PLPPR3: variants seen among roughly 807,000 people sequenced by gnomAD.
PLPPR3 encodes phospholipid phosphatase related 3.
Under a neutral mutation model 27.3 loss-of-function variants are expected in PLPPR3, and 14 were observed. The ratio of observed to expected loss-of-function variants is 0.51; its 90% CI spans 0.34 to 0.80. The LOEUF (loss-of-function observed/expected upper bound fraction) is 0.80. Among genes scored for constraint, PLPPR3 ranks in the 30% least tolerant of loss-of-function variants. The probability of loss-of-function intolerance (pLI) is 0.01; values close to 1 mark genes in which losing one functional copy is unlikely to be tolerated. For synonymous variants in PLPPR3, 671 were observed against 508.0 expected, an observed-to-expected ratio of 1.32 and a Z score of -4.32; for missense variants, 1,287 against 1,056.9, an observed-to-expected ratio of 1.22 and a Z score of -3.02.
upstream of PLPPR3, among the ~76,000 whole-genome samples, chr19:823,213 G>A (rs925499629): frequency 6.6e-6 from 1 of 151,924 alleles, no homozygotes; most frequent in Non-Finnish European, 1.5e-5. Flanking sequence ...AGGCAGAGGC[G>A]GGAGGATCCC....
intron 2 of PLPPR3, among the ~76,000 whole-genome samples, chr19:820,995 C>G (rs1051800424): frequency 1.3e-5 from 2 of 152,228 alleles, no homozygotes; most frequent in Non-Finnish European, 2.9e-5. Flanking sequence ...TCACTATGTG[C>G]CTAACACGTT....
Position 813,985 on chromosome 19 carries a change from C to CG in PLPPR3, c.832-91dup, listed in dbSNP as rs1000050520. The stretch of plus-strand genomic sequence containing the variant: ...GGACTTGCCGCGGGGGGCTCTGGAC[C>CG]GGGGGTGGGGGCTGGCAAGCTCTTG... On this transcript the variant is annotated intron_variant, in intron 7 of 7. Coordinates refer to ENST00000520876, the MANE Select transcript of PLPPR3 (RefSeq NM_001270366.2). This position sits in a 1 kb window ranked among gnomAD's most constrained non-coding sequence, Gnocchi z 4.1. 7.7e-7 allele frequency: 1 copy of CG among 1,293,998 alleles called. No homozygotes were observed. The highest frequency in any genetic ancestry group is 1.0e-6 in the Non-Finnish European group (1 of 987,996). The allele number at this position is 1,293,998 out of a possible 1,614,324, so 80.2% of individuals were successfully genotyped here. A position where few individuals can be genotyped will look rare whatever the true frequency, so the allele number is the denominator to read the frequency against.
chr19:821,408 G>T, intron 2 of PLPPR3, 77 bp downstream of exon 2: 2 of 1,345,952 alleles, frequency 1.5e-6, no homozygotes, highest in Non-Finnish European at 1.0e-6. Flanking sequence ...GCCGGCTCCG[G>T]TCCCCCAGCG....
In PLPPR3 at chr19:815,787, G is replaced by A. The variant is rs753622622; in HGVS notation, c.140C>T (p.Pro47Leu). Residue 47 changes from proline (P) to leucine (L), a missense_variant, in exon 3 of 8, where the codon CCG becomes CTG. Physicochemically the swap from Pro to Leu is moderately conservative, Grantham distance 98. Transcript: ENST00000520876. ...YFLELTDLFK[P>L]AKVGFQCYDR... ...ATAGCACTGGAAGCCCACCTTGGCC[G>A]GCTTGAAGAGGTCGGTCAGCTCCAG... 1.2e-5 allele frequency: 20 copies of A among 1,612,702 alleles called. No individual in the cohort carries two copies. Among genetic ancestry groups the A allele is most frequent in the African/African-American group, 4.0e-5 (3 of 74,916 alleles).
Position 818,091 on chromosome 19 carries a change from T to C in PLPPR3, c.76-2240A>G, listed in dbSNP as rs141320325. ...GGGCCTGGGCGCGGCCTTAAAAATA[T>C]CTAACCATGGGCCGGGTGCGGTGGC... On this transcript the variant is annotated intron_variant, in intron 2 of 7. Coordinates refer to ENST00000520876, the MANE Select transcript of PLPPR3 (RefSeq NM_001270366.2). Among the ~76,000 whole-genome samples the C allele has an allele frequency of 5.6e-3, 857 of 152,194 alleles. 8 individuals carry two copies. Among genetic ancestry groups the C allele is most frequent in the Middle Eastern group, 0.054 (16 of 294 alleles).
chr19:813,383 G>GTCCTCCTCCTCTTCC lies in PLPPR3; in HGVS notation c.1329_1343dup (p.Glu443_Glu447dup). On this transcript the variant is annotated inframe_insertion, in exon 8 of 8. Transcript: ENST00000520876. The surrounding 1 kb of genome is among the most constrained non-coding windows in gnomAD (Gnocchi z 4.1). ...CTTCCTCCTCCTCCTCTTCCTCTTC[G>GTCCTCCTCCTCTTCC]TCCTCCTCCTCTTCCTCCTCCTCCG... 1.3e-6 allele frequency: 2 copies of GTCCTCCTCCTCTTCC among 1,497,604 alleles called. No homozygotes were observed. The highest frequency in any genetic ancestry group is 1.3e-5 in the South Asian group (1 of 78,652). The allele number at this position is 1,497,604 out of a possible 1,614,324, so 92.8% of individuals were successfully genotyped here.
In PLPPR3 at chr19:813,319, G is replaced by A. The variant is rs1340128471; in HGVS notation, c.1408C>T (p.Pro470Ser). Residue 470 changes from proline (P) to serine (S), a missense_variant, in exon 8 of 8, where the codon CCC becomes TCC. Coordinates refer to ENST00000520876, the MANE Select transcript of PLPPR3 (RefSeq NM_001270366.2). The surrounding 1 kb of genome is among the most constrained non-coding windows in gnomAD (Gnocchi z 4.1). ...AGCCCCGGCCGCGCCTGCACGGTGG[G>A]GTAGAGCGAGGGCGGGGCCGGGCCC... is the stretch of plus-strand genomic sequence containing the variant. ...DEGPAPPSLYPTVQARPGLGP... is the reference protein window; with the variant it reads ...DEGPAPPSLYSTVQARPGLGP... 18 of 1,468,548 alleles carry A rather than the reference G, an allele frequency of 1.2e-5. No individual in the cohort carries two copies. In the African/African-American group the frequency reaches 2.2e-4, roughly 18 times the overall value. The allele number at this position is 1,468,548 out of a possible 1,614,324, so 91.0% of individuals were successfully genotyped here.
intron 2 of PLPPR3, among the ~76,000 whole-genome samples, chr19:816,364 C>T (rs1025844670): frequency 1.3e-4 from 7 of 53,616 alleles, no homozygotes; most frequent in South Asian, 5.8e-4. Context: ...CATTCATTAC[C>T]CAGCCATTCA....
chr19:817,948 A>G lies in PLPPR3; in HGVS notation c.76-2097T>C, dbSNP rs553709713. Among the ~76,000 whole-genome samples, 3 of 152,232 alleles carry G rather than the reference A, an allele frequency of 2.0e-5. No individual in the cohort carries two copies. In the East Asian group the frequency reaches 5.8e-4, roughly 29 times the overall value. On this transcript the variant is annotated intron_variant, in intron 2 of 7. Transcript: ENST00000520876. ...GCCGCCTCCAAGGGCTCAGGTGGAG[A>G]TGAGTCAATGTGGGAGGTGGCCCCT...
At chr19:817,764 T>C (rs2035083564) in intron 2 of PLPPR3, among the ~76,000 whole-genome samples, 1 of 152,272 alleles carries the variant, frequency 6.6e-6, no homozygotes, top group South Asian at 2.1e-4. Flanking sequence ...GAGTGCCTGT[T>C]GCATGCAGGC....
chr19:821,720 C>A, intron 1 of PLPPR3, 135 bp from the exon 2 acceptor site: 1 of 433,626 alleles, frequency 2.3e-6, no homozygotes, highest in East Asian at 3.8e-5. Context: ...GGCCTCCCCG[C>A]GCCCCGGCCC....
At chr19:822,831 G>A (rs1000106016), upstream of PLPPR3, among the ~76,000 whole-genome samples, 10 of 152,194 alleles carry the variant, frequency 6.6e-5, no homozygotes, top group African/African-American at 2.4e-4. Flanking sequence ...TACAAAAATC[G>A]GTTTTTGGGC....
intron 2 of PLPPR3, among the ~76,000 whole-genome samples, chr19:817,783 C>T (rs10426534): frequency 0.09 from 13,731 of 152,192 alleles, 935 homozygotes; most frequent in African/African-American, 0.19. Context: ...GCACGAGGCC[C>T]GGGGCAGACG....
At chr19:819,582 G>A (rs775327444) in intron 2 of PLPPR3, among the ~76,000 whole-genome samples, 38 of 152,058 alleles carry the variant, frequency 2.5e-4, no homozygotes, top group Admixed American at 3.9e-4. Flanking sequence ...GAGCCACCAT[G>A]CCCGTCCTGC....
chr19:819,545 C>T (rs140293924), intron 2 of PLPPR3, among the ~76,000 whole-genome samples: 1,702 of 152,226 alleles, frequency 0.011, 34 homozygotes, highest in African/African-American at 0.039. Flanking sequence ...CCACCTCGGC[C>T]TCCCAAAGTG....
chr19:814,248 G>A lies in PLPPR3; in HGVS notation c.831+186C>T, dbSNP rs351990. ...CTCAGACCCTCTGGGCCAGCCCCCC[G>A]CCAGAACCCCTGGGAACCATGCCTC... On this transcript the variant is annotated intron_variant, in intron 7 of 7. Transcript: ENST00000520876. Among the ~76,000 whole-genome samples the A allele has an allele frequency of 0.19, 8,026 of 42,936 alleles. 805 individuals carry two copies. The highest frequency in any genetic ancestry group is 0.42 in the African/African-American group (7,504 of 17,716). The allele number at this position is 42,936 out of a possible 152,430, so 28.2% of individuals were successfully genotyped here.
Position 814,758 on chromosome 19 carries a change from G to T in PLPPR3, c.600-9C>A. The T allele has an allele frequency of 7.7e-6, 12 of 1,564,328 alleles. No homozygotes were observed. The highest frequency in any genetic ancestry group is 3.5e-5 in the South Asian group (3 of 84,842). The stretch of plus-strand genomic sequence containing the variant: ...GGGACGGGAAGGTCTTCCTGTAAGA[G>T]GCGTCCAGCGTGAGCCCCGCCCACC... On this transcript the variant is annotated splice_polypyrimidine_tract_variant and intron_variant, in intron 5 of 7. Coordinates refer to ENST00000520876, the MANE Select transcript of PLPPR3 (RefSeq NM_001270366.2).
In PLPPR3 at chr19:814,912, G is replaced by T; in HGVS notation, c.573C>A (p.His191Gln). The change falls in exon 5 of 8, where the codon CAC becomes CAA. Residue 191 changes from histidine to glutamine, a missense_variant. By Grantham distance (24) the His-to-Gln change is conservative. Transcript: ENST00000520876. ...GTGCAGACAGGATGGCGTGGATGTC[G>T]TGGCCGGAGCAGATGTCCTGCGTGA... is the stretch of plus-strand genomic sequence containing the variant. The part of the protein sequence containing the change: ...PYITQDICSG[H>Q]DIHAILSARK... 6.2e-7 allele frequency: 1 copy of T among 1,611,466 alleles called. No individual in the cohort carries two copies. The highest frequency in any genetic ancestry group is 8.5e-7 in the Non-Finnish European group (1 of 1,179,912).
In PLPPR3 at chr19:814,501, T is replaced by A; in HGVS notation, c.764A>T (p.Gln255Leu). 2 of 1,610,908 alleles carry A rather than the reference T, an allele frequency of 1.2e-6. No homozygotes were observed. The highest frequency in any genetic ancestry group is 1.7e-6 in the Non-Finnish European group (2 of 1,179,886). ...CACGTCCACAGGGTGGCTGCGGTAC[T>A]GCGTGATCTGCGTGAGCCCGCATAC... is the stretch of plus-strand genomic sequence containing the variant. ...AGVCGLTQIT[Q>L]YRSHPVDVYA... The change falls in exon 7 of 8, where the codon CAG becomes CTG. Residue 255 changes from glutamine (Q) to leucine (L), a missense_variant. Coordinates refer to ENST00000520876, the MANE Select transcript of PLPPR3 (RefSeq NM_001270366.2).
Sources: gnomAD v4.1 joint callset for allele counts (sites outside exome capture counted in the v4.1 genomes callset) on GRCh38, gnomAD v4.1.1 for gene constraint, Gnocchi (gnomAD v3.1) non-coding constraint, MANE v1.5 for transcripts, NCBI Gene and HGNC (gene_info 2026-07-23, HGNC 2026-07-21) for gene names.